HSPA8: variants seen among roughly 807,000 people sequenced by gnomAD.
HSPA8 encodes the protein heat shock protein family A (Hsp70) member 8.
In HSPA8, 2 loss-of-function variants were observed where a neutral mutation model predicts 52.8. That is an observed-to-expected ratio of 0.04 (90% CI 0.02 to 0.12). The LOEUF (loss-of-function observed/expected upper bound fraction) is 0.12. HSPA8 is among the 10% of genes least tolerant of loss of function. HSPA8 has a pLI of 1.00. For missense variants in HSPA8, 349 were observed against 800.5 expected (o/e 0.44, Z 6.81); for synonymous variants, 436 against 274.0 (o/e 1.59, Z -5.84).
At chr11:123,058,950 T>C (rs1295151665) in intron 6 of HSPA8, 109 bp downstream of exon 6, 13 of 1,399,112 alleles carry the variant, frequency 9.3e-6, no homozygotes, top group South Asian at 4.7e-5. Context: ...ACATAAGACT[T>C]TCTGGTGGAA....
chr11:123,060,194 T>C lies in HSPA8; in HGVS notation c.486A>G (p.Gly162=), dbSNP rs145779755. ...DSQRQATKDA[G]TIAGLNVLRI... is the part of the protein sequence containing the mutation. ...TAAGTACATTGAGACCAGCAATAGT[T>C]CCAGCATCTTTGGTAGCCTGACGCT... is the stretch of plus-strand genomic sequence containing the variant. Residue 162 remains glycine (G), a synonymous_variant, in exon 4 of 9, where the codon GGA becomes GGG. Coordinates refer to ENST00000534624, the MANE Select transcript of HSPA8 (RefSeq NM_006597.6). The C allele has an allele frequency of 3.4e-5, 55 of 1,613,906 alleles. No individual in the cohort carries two copies. The highest frequency in any genetic ancestry group is 4.3e-5 in the Non-Finnish European group (51 of 1,179,968).
rs1865393015 is a variant in HSPA8 at position 123,058,663 on chromosome 11, T to C, written c.1491A>G (p.Lys497=). The change falls in exon 7 of 9, where the codon AAA becomes AAG. Residue 497 remains lysine, a synonymous_variant. Transcript: ENST00000534624. ...CATTAGTGATAGTAATCTTGTTCTC[T>C]TTTCCCGTACTCTTGTCCACAGCAG... is the stretch of plus-strand genomic sequence containing the variant. The part of the protein sequence containing the change: ...NVSAVDKSTG[K]ENKITITNDK... The C allele has an allele frequency of 6.2e-7, 1 of 1,613,400 alleles. No individual in the cohort carries two copies. Among genetic ancestry groups the C allele is most frequent in the East Asian group, 2.2e-5 (1 of 44,886 alleles).
intron 7 of HSPA8, 57 bp from the exon 8 acceptor site, chr11:123,058,541 CTA>C: frequency 1.3e-6 from 2 of 1,581,762 alleles, no homozygotes; most frequent in Non-Finnish European, 1.7e-6. Flanking sequence ...ATGTGTAACT[CTA>C]GTTTCTCTTA....
upstream of HSPA8, chr11:123,062,419 G>C (rs1372023616): frequency 6.6e-6 from 1 of 152,362 alleles, no homozygotes; most frequent in Non-Finnish European, 1.5e-5. Flanking sequence ...GTGGGGCGCA[G>C]CGAGTCCGCG....
At chr11:123,060,502 T>C in intron 3 of HSPA8, 91 bp downstream of exon 3, 1 of 1,037,638 alleles carries the variant, frequency 9.6e-7, no homozygotes, top group South Asian at 1.4e-5. Context: ...GCCCCATCTG[T>C]TCCCCTCCCT....
chr11:123,060,330 G>T, intron 3 of HSPA8, 62 bp from the exon 4 acceptor site: 8 of 1,472,072 alleles, frequency 5.4e-6, no homozygotes, highest in Non-Finnish European at 7.5e-6. Flanking sequence ...GCAAACTCCA[G>T]CAAATGGATT....
chr11:123,059,382 G>C (rs1382318344), intron 5 of HSPA8, 91 bp downstream of exon 5: 3 of 1,392,012 alleles, frequency 2.2e-6, no homozygotes, highest in East Asian at 2.3e-5. Context: ...CCAAGCTTTT[G>C]GTGGAAACTA....
At position 123,061,096 on chromosome 11, in the gene HSPA8, T is replaced by C. The variant is rs369634495; in HGVS notation, c.205+24A>G. On this transcript the variant is annotated intron_variant, in intron 2 of 8. Coordinates refer to ENST00000534624, the MANE Select transcript of HSPA8 (RefSeq NM_006597.6). Reference sequence around the variant, plus strand: ...CTTCCTAGCCCTGTTATATTTGTTCTGTCATTTAAAATTAGGAACTCACCA... The same window carrying C: ...CTTCCTAGCCCTGTTATATTTGTTCCGTCATTTAAAATTAGGAACTCACCA... The C allele has an allele frequency of 5.0e-6, 8 of 1,595,096 alleles. No individual in the cohort carries two copies. The African/African-American group carries it at 8.1e-5, about 16-fold the overall frequency.
At position 123,060,728 on chromosome 11, in the gene HSPA8, A is replaced by G. The variant is rs775043697; in HGVS notation, c.276T>C (p.Phe92=). 4 of 1,613,954 alleles carry G rather than the reference A, an allele frequency of 2.5e-6. No homozygotes were observed. Among genetic ancestry groups the G allele is most frequent in the Non-Finnish European group, 3.4e-6 (4 of 1,179,960 alleles). The change falls in exon 3 of 9, where the codon TTT becomes TTC. Residue 92 remains phenylalanine, a synonymous_variant. Transcript: ENST00000534624. ...GCCTGCCAGCATCATTCACCACCAT[A>G]AAGGGCCAATGTTTCATATCAGACT... ...VVQSDMKHWP[F]MVVNDAGRPK...
Position 123,059,579 on chromosome 11 carries a change from A to G in HSPA8, c.1014T>C (p.Gly338=). The G allele has an allele frequency of 6.2e-7, 1 of 1,614,120 alleles. No homozygotes were observed. Among genetic ancestry groups the G allele is most frequent in the Non-Finnish European group, 8.5e-7 (1 of 1,179,986 alleles). Residue 338 remains glycine, a synonymous_variant, in exon 5 of 9, where the codon GGT becomes GGC. Transcript: ENST00000534624. ...KSQIHDIVLV[G]GSTRIPKIQK... ...GAATCTTGGGGATACGAGTAGAACC[A>G]CCAACCAGGACAATATCATGAATCT... is the stretch of plus-strand genomic sequence containing the variant.
Position 123,057,554 on chromosome 11 carries a change from T to C in HSPA8, c.*180A>G, listed in dbSNP as rs1865341233. 3 of 538,450 alleles carry C rather than the reference T, an allele frequency of 5.6e-6. No homozygotes were observed. The highest frequency in any genetic ancestry group is 9.8e-6 in the Non-Finnish European group (3 of 306,364). 33.4% of individuals were successfully genotyped at this position (538,450 alleles called of 1,614,324 possible). The stretch of plus-strand genomic sequence containing the variant: ...GCATTTTCCACTTACAATACAGTGT[T>C]TATAAAGTGCAATGTTATTTCCTTC... On this transcript the variant is annotated 3_prime_UTR_variant, in exon 9 of 9. Coordinates refer to ENST00000534624, the MANE Select transcript of HSPA8 (RefSeq NM_006597.6).
At chr11:123,060,317 T>C (rs746697409) in intron 3 of HSPA8, 49 bp from the exon 4 acceptor site, 6 of 1,550,492 alleles carry the variant, frequency 3.9e-6, no homozygotes, top group Admixed American at 1.7e-5. Flanking sequence ...TACTTACATA[T>C]ATGCAAACTC....
intron 1 of HSPA8, 86 bp from the exon 2 acceptor site, chr11:123,061,415 C>CGTATGGCCACTGCCAAGAGGTA: frequency 9.6e-7 from 1 of 1,038,840 alleles, no homozygotes; most frequent in Non-Finnish European, 1.5e-6. Flanking sequence ...CCAGGAAAAA[C>CGTATGGCCACTGCCAAGAGGTA]GTATGGCCAC....
chr11:123,061,349 G>T lies in HSPA8; in HGVS notation c.-5-20C>A. On this transcript the variant is annotated intron_variant, in intron 1 of 8. Coordinates refer to ENST00000534624, the MANE Select transcript of HSPA8 (RefSeq NM_006597.6). ...TGGTTGCTGAAAAAAAGAAAAATCT[G>T]GTTTAAAAATTCAATTAATCAAAAT... 1.9e-6 allele frequency: 3 copies of T among 1,580,552 alleles called. No individual in the cohort carries two copies. Among genetic ancestry groups the T allele is most frequent in the African/African-American group, 1.3e-5 (1 of 74,168 alleles).
At position 123,060,010 on chromosome 11, in the gene HSPA8, CGTTTCTTTCTG is replaced by C; in HGVS notation, c.572_582del (p.Ala191GlyfsTer5). 1 of 1,613,840 alleles carries C rather than the reference CGTTTCTTTCTG, an allele frequency of 6.2e-7. No homozygotes were observed. On this transcript the variant is annotated frameshift_variant, in exon 5 of 9. Coordinates refer to ENST00000534624, the MANE Select transcript of HSPA8 (RefSeq NM_006597.6). LOFTEE classifies it high-confidence loss of function. ...CCACCTCCCAGGTCAAAGATGAGCA[CGTTTCTTTCTG>C]CTCCAACCTGCCGTTAAAAACAATC...
intron 5 of HSPA8, 27 bp downstream of exon 5, chr11:123,059,446 T>A (rs371017582): frequency 1.3e-6 from 2 of 1,587,004 alleles, no homozygotes. Context: ...TGCCTGCCTT[T>A]AGGGTTAATT....
intron 4 of HSPA8, 22 bp downstream of exon 4, chr11:123,060,094 T>G (rs766545520): frequency 6.2e-7 from 1 of 1,614,128 alleles, no homozygotes; most frequent in Non-Finnish European, 8.5e-7. Flanking sequence ...TAATCCGAAC[T>G]TGCATCACAA....
chr11:123,057,957 A>C, intron 8 of HSPA8, 38 bp from the exon 9 acceptor site: 2 of 1,481,574 alleles, frequency 1.3e-6, no homozygotes, highest in East Asian at 2.3e-5. Context: ...AAGTTCTTTT[A>C]ATGTTAATAA....
rs1334520596 is a variant in HSPA8 at position 123,060,254 on chromosome 11, A to G, written c.426T>C (p.Ala142=). Residue 142 remains alanine (A), a synonymous_variant, in exon 4 of 9, where the codon GCT becomes GCC. Coordinates refer to ENST00000534624, the MANE Select transcript of HSPA8 (RefSeq NM_006597.6). The part of the protein sequence containing the change: ...EAYLGKTVTN[A]VVTVPAYFND... Reference sequence around the variant, plus strand: ...TAAAGTAAGCTGGCACTGTGACCACAGCATTGGTAACAGTCTAGGAATAAG... The same window carrying G: ...TAAAGTAAGCTGGCACTGTGACCACGGCATTGGTAACAGTCTAGGAATAAG... 6.2e-7 allele frequency: 1 copy of G among 1,613,588 alleles called. No homozygotes were observed. Among genetic ancestry groups the G allele is most frequent in the East Asian group, 2.2e-5 (1 of 44,880 alleles).
Sources: gnomAD v4.1 joint callset for allele counts on GRCh38, gnomAD v4.1.1 for gene constraint, MANE v1.5 for transcripts, NCBI Gene and HGNC (gene_info 2026-07-23, HGNC 2026-07-21) for gene names.